Variants in NTMT1 observed in about 807,000 individuals in gnomAD.
NTMT1 encodes N-terminal RCC1 methyltransferase.
A neutral mutation model predicts 17.5 loss-of-function variants in NTMT1; 8 were observed. The observed-to-expected ratio is 0.46, with a 90% CI of 0.27 to 0.82. The LOEUF is 0.82. Ranked by LOEUF, NTMT1 falls within the 40% of genes least tolerant of loss-of-function variation. The pLI is 0.15. For synonymous variants in NTMT1, 128 were observed against 126.8 expected (o/e 1.01, Z -0.06); for missense variants, 221 against 303.5 (o/e 0.73, Z 2.02).
At chr9:129,619,596 A>G in intron 1 of NTMT1, 1 of 1,614,110 alleles carries the variant, frequency 6.2e-7, no homozygotes. Context: ...TGCTGGAGCG[A>G]AATCTTCGTA....
chr9:129,621,425 T>G (rs1295376667), upstream of NTMT1, among the ~76,000 whole-genome samples: 1 of 152,238 alleles, frequency 6.6e-6, no homozygotes, highest in African/African-American at 2.4e-5. Context: ...GGCACCATCA[T>G]AGCTCACTGC....
At chr9:129,627,007 T>C (rs1246410743) in intron 1 of NTMT1, among the ~76,000 whole-genome samples, 1 of 152,148 alleles carries the variant, frequency 6.6e-6, no homozygotes, top group African/African-American at 2.4e-5. Flanking sequence ...GATTGCCCAG[T>C]GAGATGGGAT....
intron 1 of NTMT1, among the ~76,000 whole-genome samples, chr9:129,630,785 C>T (rs1831123226): frequency 6.6e-6 from 1 of 152,272 alleles, no homozygotes; most frequent in South Asian, 2.1e-4. Context: ...AGCTCCCAGT[C>T]AGCTGCGCGT....
At position 129,620,140 on chromosome 9, in the gene NTMT1, C is replaced by G. The variant is rs1416281557; in HGVS notation, c.-55+10962C>G. 6.9e-7 allele frequency: 1 copy of G among 1,458,054 alleles called. No individual in the cohort carries two copies. Among genetic ancestry groups the G allele is most frequent in the East Asian group, 2.5e-5 (1 of 39,928 alleles). The allele number at this position is 1,458,054 out of a possible 1,614,324, so 90.3% of individuals were successfully genotyped here. A position where few individuals can be genotyped will look rare whatever the true frequency, so the allele number is the denominator to read the frequency against. On this transcript the variant is annotated intron_variant, in intron 1 of 3. Transcript: ENST00000372486. The surrounding 1 kb of genome is among the most constrained non-coding windows in gnomAD (Gnocchi z 5.8). ...ACTCACGGAACCTGCTGGGGAGGAG[C>G]TCTCCTAGGAAGGCGCCCAAGAAGT...
In NTMT1 at chr9:129,613,389, G is replaced by A. The variant is rs761912304; in HGVS notation, c.-55+4211G>A. 12 of 1,602,246 alleles carry A rather than the reference G, an allele frequency of 7.5e-6. No homozygotes were observed. In the South Asian group the frequency reaches 1.2e-4, roughly 16 times the overall value. Reference sequence around the variant, plus strand: ...GGTCTGTAGGCAAGGGGGGTGGAGGGCCCTGGCAATGTCCACGAGTCCCAT... The same window carrying A: ...GGTCTGTAGGCAAGGGGGGTGGAGGACCCTGGCAATGTCCACGAGTCCCAT... On this transcript the variant is annotated intron_variant, in intron 1 of 3. Transcript: ENST00000372486. The surrounding 1 kb of genome is among the most constrained non-coding windows in gnomAD (Gnocchi z 6.2).
chr9:129,624,774 A>G (rs940247455), upstream of NTMT1, among the ~76,000 whole-genome samples: 1 of 152,152 alleles, frequency 6.6e-6, no homozygotes, highest in African/African-American at 2.4e-5. Flanking sequence ...GACTACAGGC[A>G]TGCACCACCA....
chr9:129,634,140 G>C lies in NTMT1; in HGVS notation c.249G>C (p.Leu83=), dbSNP rs1407772270. 6.2e-7 allele frequency: 1 copy of C among 1,614,230 alleles called. No homozygotes were observed. The highest frequency in any genetic ancestry group is 1.1e-5 in the South Asian group (1 of 91,088). Residue 83 remains leucine (L), a synonymous_variant, in exon 3 of 4, where the codon CTG becomes CTC. Coordinates refer to ENST00000372483, the MANE Select transcript of NTMT1 (RefSeq NM_014064.4). Reference sequence around the variant, plus strand: ...TCACCAAGCGGCTGCTCCTGCCGCTGTTCAGAGAGGTGGATATGGTCGACA... The same window carrying C: ...TCACCAAGCGGCTGCTCCTGCCGCTCTTCAGAGAGGTGGATATGGTCGACA... ...GRITKRLLLP[L]FREVDMVDIT...
In NTMT1 at chr9:129,620,677, G is replaced by C; in HGVS notation, c.-55+11499G>C. 3 of 1,095,846 alleles carry C rather than the reference G, an allele frequency of 2.7e-6. No homozygotes were observed. Among genetic ancestry groups the C allele is most frequent in the African/African-American group, 1.6e-5 (1 of 61,860 alleles). The allele number at this position is 1,095,846 out of a possible 1,614,324, so 67.9% of individuals were successfully genotyped here. A position where few individuals can be genotyped will look rare whatever the true frequency, so the allele number is the denominator to read the frequency against. ...TCCAGCCCCAGGCCATAGTGCCCCGGGCGGGGCAGCGCGGTGCGGGGTGAA... is the reference window on the plus strand; with the variant it reads ...TCCAGCCCCAGGCCATAGTGCCCCGCGCGGGGCAGCGCGGTGCGGGGTGAA... On this transcript the variant is annotated intron_variant, in intron 1 of 3. Transcript: ENST00000372486. The surrounding 1 kb of genome is among the most constrained non-coding windows in gnomAD (Gnocchi z 5.8).
rs748725251 is a variant in NTMT1 at position 129,635,445 on chromosome 9, A to G, written c.653A>G (p.Tyr218Cys). The G allele has an allele frequency of 3.7e-6, 6 of 1,612,796 alleles. No individual in the cohort carries two copies. The highest frequency in any genetic ancestry group is 2.2e-5 in the South Asian group (2 of 91,074). Reference sequence around the variant, plus strand: ...CTCCCCGATGAGATCTACCATGTCTATAGCTTTGCCCTGAGATGAGCCGGG... The same window carrying G: ...CTCCCCGATGAGATCTACCATGTCTGTAGCTTTGCCCTGAGATGAGCCGGG... ...ENLPDEIYHV[Y>C]SFALR The change falls in exon 4 of 4, where the codon TAT (tyrosine) becomes TGT (cysteine). Residue 218 changes from tyrosine to cysteine, a missense_variant. Physicochemically the swap from Tyr to Cys is radical, Grantham distance 194. Coordinates refer to ENST00000372483, the MANE Select transcript of NTMT1 (RefSeq NM_014064.4).
intron 1 of NTMT1, among the ~76,000 whole-genome samples, chr9:129,616,706 T>A (rs1830407434): frequency 6.6e-6 from 1 of 152,234 alleles, no homozygotes; most frequent in Admixed American, 6.5e-5. Flanking sequence ...GGACGTGGCC[T>A]GGCACAGGGT....
chr9:129,631,788 C>G (rs961054383), intron 1 of NTMT1, among the ~76,000 whole-genome samples: 2 of 152,230 alleles, frequency 1.3e-5, no homozygotes, highest in Non-Finnish European at 1.5e-5. Context: ...GTCCCCTCCT[C>G]AGGGATGCCT....
rs899175312 is a variant in NTMT1, at chr9:129,613,356, G to T, written c.-55+4178G>T. 3 of 1,578,100 alleles carry T rather than the reference G, an allele frequency of 1.9e-6. No individual in the cohort carries two copies. Among genetic ancestry groups the T allele is most frequent in the Admixed American group, 3.5e-5 (2 of 56,358 alleles). ...CACACTGGCAACCCGCCTGCTGCTG[G>T]GTGGGGAGGTCTGTAGGCAAGGGGG... On this transcript the variant is annotated intron_variant, in intron 1 of 3. Transcript: ENST00000372486. This position sits in a 1 kb window ranked among gnomAD's most constrained non-coding sequence, Gnocchi z 6.2.
At chr9:129,612,169 C>A (rs1830127565) in intron 1 of NTMT1, 3 of 598,302 alleles carry the variant, frequency 5.0e-6, no homozygotes, top group Non-Finnish European at 9.0e-6. Context: ...GGCTGTGTCT[C>A]CATCCCCTTC....
At chr9:129,632,401 ACCACTGCAC>A (rs1831215499) in intron 1 of NTMT1, among the ~76,000 whole-genome samples, 2 of 152,186 alleles carry the variant, frequency 1.3e-5, no homozygotes, top group South Asian at 4.1e-4. Flanking sequence ...CTATGATCAC[ACCACTGCAC>A]TCCAGAAAAA....
At chr9:129,623,567 G>A (rs189248167), upstream of NTMT1, among the ~76,000 whole-genome samples, 13 of 152,222 alleles carry the variant, frequency 8.5e-5, no homozygotes, top group Non-Finnish European at 1.5e-4. Flanking sequence ...CACTGGCGTG[G>A]CATAGTTTCA....
At chr9:129,609,628 G>T (rs1450669959) in intron 1 of NTMT1, among the ~76,000 whole-genome samples, 2 of 151,776 alleles carry the variant, frequency 1.3e-5, no homozygotes, top group Non-Finnish European at 2.9e-5. Context: ...CCCCTGGGGA[G>T]GCCCCCAATC....
rs150331020 is a variant in NTMT1 at position 129,620,856 on chromosome 9, G to A, written c.-55+11678G>A. ...GTACATGCCAGTCTTAGAACAGCAA[G>A]CTCGGTACAGTGCCAGGCACGCTGG... is the stretch of plus-strand genomic sequence containing the variant. On this transcript the variant is annotated intron_variant, in intron 1 of 3. Transcript: ENST00000372486. The surrounding 1 kb of genome is among the most constrained non-coding windows in gnomAD (Gnocchi z 5.8). The A allele has an allele frequency of 4.9e-5, 17 of 346,484 alleles. No individual in the cohort carries two copies. The highest frequency in any genetic ancestry group is 3.2e-4 in the African/African-American group (15 of 47,430). The allele number at this position is 346,484 out of a possible 1,614,324, so 21.5% of individuals were successfully genotyped here. A position where few individuals can be genotyped will look rare whatever the true frequency, so the allele number is the denominator to read the frequency against.
At chr9:129,629,392 C>A (rs1406478309) in intron 1 of NTMT1, among the ~76,000 whole-genome samples, 1 of 151,100 alleles carries the variant, frequency 6.6e-6, no homozygotes, top group Non-Finnish European at 1.5e-5. Flanking sequence ...AGAATTCATT[C>A]TTCTTCTTCT....
Position 129,620,098 on chromosome 9 carries a change from C to T in NTMT1, c.-55+10920C>T, listed in dbSNP as rs749921277. 8.3e-5 allele frequency: 120 copies of T among 1,452,008 alleles called. No individual in the cohort carries two copies. Among genetic ancestry groups the T allele is most frequent in the Non-Finnish European group, 1.0e-4 (115 of 1,100,114 alleles). 89.9% of individuals were successfully genotyped at this position (1,452,008 alleles called of 1,614,324 possible). A position where few individuals can be genotyped will look rare whatever the true frequency, so the allele number is the denominator to read the frequency against. On this transcript the variant is annotated intron_variant, in intron 1 of 3. Coordinates refer to the NTMT1 transcript ENST00000372486. This position sits in a 1 kb window ranked among gnomAD's most constrained non-coding sequence, Gnocchi z 5.8. ...GCTCCGGCTCCTCGGCGCACTTCTC[C>T]TGGAGCTGGTGCAGGAACTCACGGA... is the stretch of plus-strand genomic sequence containing the variant.
Sources: allele counts gnomAD v4.1 joint callset (sites outside exome capture counted in the v4.1 genomes callset), GRCh38; gene constraint gnomAD v4.1.1; non-coding constraint Gnocchi (gnomAD v3.1); transcripts MANE v1.5; gene names NCBI Gene and HGNC (gene_info 2026-07-23, HGNC 2026-07-21).